The following FCRL3 variants were observed in gnomAD, a reference collection of about 807,000 sequenced individuals.
The protein encoded by FCRL3 is Fc receptor like 3.
Under a neutral mutation model 75.0 loss-of-function variants are expected in FCRL3, and 89 were observed. The observed-to-expected ratio is 1.19, with a 90% CI of 1.00 to 1.42. FCRL3 has a LOEUF of 1.42. Among genes scored for constraint, FCRL3 ranks in the 40% most tolerant of loss-of-function variants. The pLI is 0.00. For synonymous variants in FCRL3, 376 were observed against 348.5 expected (o/e 1.08, Z -0.88); for missense variants, 946 against 880.0 (o/e 1.07, Z -0.95).
chr1:157,685,264 T>C (rs1000518006), intron 10 of FCRL3, among the ~76,000 whole-genome samples: 10 of 151,982 alleles, frequency 6.6e-5, no homozygotes, highest in Admixed American at 5.9e-4. Flanking sequence ...TGACTAGCCT[T>C]CTATAAGTAA....
chr1:157,697,893 G>T lies in FCRL3; in HGVS notation c.325C>A (p.Pro109Thr), dbSNP rs1656054850. The T allele has an allele frequency of 6.2e-7, 1 of 1,613,854 alleles. No individual in the cohort carries two copies. The highest frequency in any genetic ancestry group is 1.7e-5 in the Admixed American group (1 of 59,984). Reference sequence around the variant, plus strand: ...ATGACATTGTCTCCTTCAAAGACAGGATGTAAAGCCTGCAGGATCAGCCAG... The same window carrying T: ...ATGACATTGTCTCCTTCAAAGACAGTATGTAAAGCCTGCAGGATCAGCCAG... ...PDWLILQALHPVFEGDNVILR... is the reference protein window; with the variant it reads ...PDWLILQALHTVFEGDNVILR... Residue 109 changes from proline to threonine, a missense_variant, in exon 5 of 15, where the codon CCT becomes ACT. Coordinates refer to ENST00000368184, the MANE Select transcript of FCRL3 (RefSeq NM_052939.4).
chr1:157,682,559 A>G (rs909390438), intron 11 of FCRL3, among the ~76,000 whole-genome samples: 2 of 152,242 alleles, frequency 1.3e-5, no homozygotes, highest in African/African-American at 4.8e-5. Flanking sequence ...AGGACAGCCA[A>G]GGCAAGGCCA....
At chr1:157,691,931 A>T (rs1393537681) in intron 8 of FCRL3, 5 of 152,214 alleles carry the variant, frequency 3.3e-5, no homozygotes, top group Admixed American at 1.3e-4. Flanking sequence ...GTGTAAGAAG[A>T]AAATATGAGA....
Position 157,678,073 on chromosome 1 carries a change from G to A in FCRL3, c.*637C>T. 1 of 985,584 alleles carries A rather than the reference G, an allele frequency of 1.0e-6. No individual in the cohort carries two copies. The highest frequency in any genetic ancestry group is 1.2e-6 in the Non-Finnish European group (1 of 830,200). 61.1% of individuals were successfully genotyped at this position (985,584 alleles called of 1,614,324 possible). A position where few individuals can be genotyped will look rare whatever the true frequency, so the allele number is the denominator to read the frequency against. On this transcript the variant is annotated 3_prime_UTR_variant, in exon 15 of 15. Coordinates refer to ENST00000368184, the MANE Select transcript of FCRL3 (RefSeq NM_052939.4). ...TTCACACATAAGGTCTTTGCAGTGG[G>A]GATACAAGTCACATATTAAACTAGC...
rs920857608 is a variant in FCRL3, at chr1:157,696,939, A to G, written c.844+201T>C. On this transcript the variant is annotated intron_variant, in intron 6 of 14. Coordinates refer to ENST00000368184, the MANE Select transcript of FCRL3 (RefSeq NM_052939.4). The stretch of plus-strand genomic sequence containing the variant: ...CATAGGGTTGGGCAATCAGTAACTG[A>G]TCAATAATTACTATTACCTGACTCA... 1.4e-5 allele frequency: 6 copies of G among 416,908 alleles called. No homozygotes were observed. The Admixed American group carries it at 2.5e-4, about 17-fold the overall frequency. The allele number at this position is 416,908 out of a possible 1,614,324, so 25.8% of individuals were successfully genotyped here. A position where few individuals can be genotyped will look rare whatever the true frequency, so the allele number is the denominator to read the frequency against.
intron 8 of FCRL3, among the ~76,000 whole-genome samples, chr1:157,693,685 C>CTCCTTCCT (rs753661568): frequency 3.3e-5 from 5 of 151,306 alleles, no homozygotes; most frequent in Non-Finnish European, 7.4e-5. Context: ...TTTTCTTTCT[C>CTCCTTCCT]TCCTTCCTTC....
At position 157,678,260 on chromosome 1, in the gene FCRL3, G is replaced by A. The variant is rs531997268; in HGVS notation, c.*450C>T. Reference sequence around the variant, plus strand: ...TTCCCAATATGGTAGCAAGGATACAGCATATACACCAAAACATCAGCAATG... The same window carrying A: ...TTCCCAATATGGTAGCAAGGATACAACATATACACCAAAACATCAGCAATG... On this transcript the variant is annotated 3_prime_UTR_variant, in exon 15 of 15. Coordinates refer to ENST00000368184, the MANE Select transcript of FCRL3 (RefSeq NM_052939.4). 2.0e-6 allele frequency: 2 copies of A among 1,002,258 alleles called. No individual in the cohort carries two copies. The highest frequency in any genetic ancestry group is 5.4e-5 in the Admixed American group (1 of 18,578). The allele number at this position is 1,002,258 out of a possible 1,614,324, so 62.1% of individuals were successfully genotyped here.
chr1:157,697,515 G>A (rs539447148), intron 5 of FCRL3, 91 bp from the exon 6 acceptor site: 62 of 1,479,806 alleles, frequency 4.2e-5, no homozygotes, highest in Non-Finnish European at 5.4e-5. Flanking sequence ...GCCATCAGGA[G>A]ATAGAGAAGC....
At position 157,678,776 on chromosome 1, in the gene FCRL3, G is replaced by T. The variant is rs1178073240; in HGVS notation, c.2139C>A (p.Ala713=). The change falls in exon 15 of 15, where the codon GCC becomes GCA. Residue 713 remains alanine, a synonymous_variant. Coordinates refer to ENST00000368184, the MANE Select transcript of FCRL3 (RefSeq NM_052939.4). ...AGTTTTCTTCATCATCTTCTTCATG[G>T]GCCCTGCCTCTGCTGCTAGCCTCCC... ...SAGEASSRGR[A]HEEDDEENYE... 2 of 1,613,914 alleles carry T rather than the reference G, an allele frequency of 1.2e-6. No individual in the cohort carries two copies. Among genetic ancestry groups the T allele is most frequent in the African/African-American group, 2.7e-5 (2 of 74,902 alleles).
chr1:157,698,949 C>A (rs1006012840), intron 3 of FCRL3, among the ~76,000 whole-genome samples: 1 of 152,214 alleles, frequency 6.6e-6, no homozygotes, highest in African/African-American at 2.4e-5. Context: ...TCCTGAAATT[C>A]TCTTGTCCTA....
rs546469462 is a variant in FCRL3, at chr1:157,683,342, A to C, written c.1811-98T>G. 3.5e-6 allele frequency: 5 copies of C among 1,438,222 alleles called. No individual in the cohort carries two copies. In the East Asian group the frequency reaches 1.2e-4, roughly 34 times the overall value. 89.1% of individuals were successfully genotyped at this position (1,438,222 alleles called of 1,614,324 possible). A position where few individuals can be genotyped will look rare whatever the true frequency, so the allele number is the denominator to read the frequency against. ...TTCCTAGAAATCAGATTCATTCTAG[A>C]TCTAAGCTACGGAAAAACTCAAGGA... On this transcript the variant is annotated intron_variant, in intron 10 of 14. Transcript: ENST00000368184.
rs1571189302 is a variant in FCRL3, at chr1:157,681,175, G to A, written c.1839-76C>T. ...GAATTTCAGGGAAATCAATATTCTG[G>A]AAGTCCTCCAGTCCAGCATGATTCA... is the stretch of plus-strand genomic sequence containing the variant. On this transcript the variant is annotated intron_variant, in intron 11 of 14. Transcript: ENST00000368184. 6.2e-6 allele frequency: 6 copies of A among 968,200 alleles called. No individual in the cohort carries two copies. In the Admixed American group the frequency reaches 1.4e-4, roughly 23 times the overall value. The allele number at this position is 968,200 out of a possible 1,614,324, so 60.0% of individuals were successfully genotyped here.
At chr1:157,679,138 C>T (rs1654657928) in intron 13 of FCRL3, 165 bp from the exon 14 acceptor site, 3 of 734,616 alleles carry the variant, frequency 4.1e-6, no homozygotes, top group South Asian at 3.5e-5. Context: ...TACTCCAAGC[C>T]AATCTTCTTG....
chr1:157,690,609 G>A (rs1655465446), intron 8 of FCRL3, 76 bp from the exon 9 acceptor site: 2 of 1,533,318 alleles, frequency 1.3e-6, no homozygotes, highest in South Asian at 2.5e-5. Flanking sequence ...GGAATATGCA[G>A]CATAGTTGAG....
chr1:157,700,172 A>G (rs1656224477), intron 2 of FCRL3, among the ~76,000 whole-genome samples: 2 of 152,198 alleles, frequency 1.3e-5, no homozygotes, highest in Admixed American at 6.5e-5. Flanking sequence ...CTGAGGCTTA[A>G]GAGGGAGGGT....
chr1:157,693,544 T>C (rs980560908), intron 8 of FCRL3, among the ~76,000 whole-genome samples: 1 of 152,056 alleles, frequency 6.6e-6, no homozygotes, highest in Non-Finnish European at 1.5e-5. Context: ...AAGGCCAAAC[T>C]CAGAACCAAA....
intron 8 of FCRL3, among the ~76,000 whole-genome samples, chr1:157,690,784 G>A (rs1469507349): frequency 1.3e-5 from 2 of 151,978 alleles, no homozygotes; most frequent in African/African-American, 4.8e-5. Context: ...TCAAGCTATT[G>A]TAATAAAAAT....
At chr1:157,695,952 G>T in intron 7 of FCRL3, 88 bp downstream of exon 7, 1 of 406,448 alleles carries the variant, frequency 2.5e-6, no homozygotes. Flanking sequence ...CTCCCTCCCC[G>T]TGCCTCTTTT....
chr1:157,689,426 C>T (rs1655370442), intron 10 of FCRL3, among the ~76,000 whole-genome samples: 2 of 152,042 alleles, frequency 1.3e-5, no homozygotes, highest in Non-Finnish European at 2.9e-5. Flanking sequence ...TCCAATTTCA[C>T]TACATTTAGC....
Sources: allele counts gnomAD v4.1 joint callset (sites outside exome capture counted in the v4.1 genomes callset), GRCh38; gene constraint gnomAD v4.1.1; transcripts MANE v1.5; gene names NCBI Gene and HGNC (gene_info 2026-07-23, HGNC 2026-07-21).